CNTNAP5: variants seen among roughly 807,000 people sequenced by gnomAD.
CNTNAP5 encodes contactin-associated protein-like 5.
Under a neutral mutation model 150.2 loss-of-function variants are expected in CNTNAP5, and 72 were observed. The observed-to-expected ratio is 0.48, with a 90% CI of 0.40 to 0.58. The LOEUF is 0.58. CNTNAP5 is among the 20% of genes least tolerant of loss of function. CNTNAP5 has a pLI of 0.00. For synonymous variants in CNTNAP5, 672 were observed against 619.8 expected, an observed-to-expected ratio of 1.08 and a Z score of -1.25; for missense variants, 1,636 against 1,626.2, an observed-to-expected ratio of 1.01 and a Z score of -0.10.
intron 10 of CNTNAP5, among the ~76,000 whole-genome samples, chr2:124,545,922 T>C (rs1695501586): frequency 6.6e-6 from 1 of 152,098 alleles, no homozygotes; most frequent in Non-Finnish European, 1.5e-5. Flanking sequence ...TAAGATTTCA[T>C]CTCTAAAATA....
intron 7 of CNTNAP5, among the ~76,000 whole-genome samples, chr2:124,497,832 G>A (rs568690567): frequency 2.2e-4 from 33 of 152,232 alleles, no homozygotes; most frequent in Middle Eastern, 3.4e-3. Context: ...CCACTGCAGT[G>A]GTTCCATCCT....
At chr2:124,646,872 CT>C (rs1433127083) in intron 12 of CNTNAP5, among the ~76,000 whole-genome samples, 1 of 152,120 alleles carries the variant, frequency 6.6e-6, no homozygotes, top group Non-Finnish European at 1.5e-5. Context: ...ACTTGGGAGG[CT>C]GAGGTGGGAG....
At chr2:124,611,570 G>C (rs1321337196) in intron 12 of CNTNAP5, among the ~76,000 whole-genome samples, 3 of 152,190 alleles carry the variant, frequency 2.0e-5, no homozygotes, top group African/African-American at 7.2e-5. Flanking sequence ...AGGCTTCTCA[G>C]TGGATCTCGG....
chr2:124,729,750 C>A (rs140943732), intron 13 of CNTNAP5, among the ~76,000 whole-genome samples: 2 of 152,000 alleles, frequency 1.3e-5, no homozygotes, highest in Non-Finnish European at 2.9e-5. Flanking sequence ...ATAACCACAC[C>A]CTCTATTTTG....
In CNTNAP5 at chr2:124,789,902, G is replaced by A; in HGVS notation, c.2753G>A (p.Gly918Glu). The A allele has an allele frequency of 6.2e-7, 1 of 1,612,940 alleles. No homozygotes were observed. Among genetic ancestry groups the A allele is most frequent in the Non-Finnish European group, 8.5e-7 (1 of 1,179,378 alleles). Residue 918 changes from glycine to glutamate, a missense_variant and splice_region_variant, in exon 18 of 24, where the codon GGG (glycine) becomes GAG (glutamate). Physicochemically the swap from Gly to Glu is moderately conservative, Grantham distance 98 (BLOSUM62 -2). Coordinates refer to ENST00000682447, the MANE Select transcript of CNTNAP5 (RefSeq NM_001367498.1). ...RLQLNSQLFVGGTSSRQKGFL... is the reference protein window; with the variant it reads ...RLQLNSQLFVEGTSSRQKGFL... ...TGTTTCCTTTTATTTAACCTCTTAG[G>A]GGGAACGTCATCCAGACAGAAAGGC...
chr2:124,913,742 A>C (rs1678704387), intron 23 of CNTNAP5, among the ~76,000 whole-genome samples: 1 of 152,064 alleles, frequency 6.6e-6, no homozygotes. Context: ...GCTAATTACA[A>C]ATGATTCTGA....
intron 14 of CNTNAP5, among the ~76,000 whole-genome samples, chr2:124,754,517 C>A (rs905630212): frequency 6.6e-5 from 10 of 152,090 alleles, no homozygotes; most frequent in African/African-American, 2.2e-4. Context: ...GCCTTAACTG[C>A]TGAATGAGAG....
intron 14 of CNTNAP5, among the ~76,000 whole-genome samples, chr2:124,750,559 C>CA (rs1680702272): frequency 6.6e-6 from 1 of 152,124 alleles, no homozygotes; most frequent in African/African-American, 2.4e-5. Flanking sequence ...GTGTGCCAGA[C>CA]GGATAGTCTG....
At chr2:124,416,514 A>C (rs1573980308) in intron 3 of CNTNAP5, among the ~76,000 whole-genome samples, 3 of 152,206 alleles carry the variant, frequency 2.0e-5, no homozygotes, top group Non-Finnish European at 1.5e-5. Flanking sequence ...ACAAGGAAAT[A>C]TGTAAAAGAA....
chr2:124,529,639 G>A (rs1028975110), intron 10 of CNTNAP5, among the ~76,000 whole-genome samples: 2 of 152,164 alleles, frequency 1.3e-5, no homozygotes, highest in South Asian at 2.1e-4. Flanking sequence ...CATTTTTAAT[G>A]TGTTAATCAA....
intron 7 of CNTNAP5, among the ~76,000 whole-genome samples, chr2:124,482,518 A>C (rs1262260385): frequency 6.6e-6 from 1 of 152,138 alleles, no homozygotes; most frequent in Non-Finnish European, 1.5e-5. Flanking sequence ...TGAAGAAAAA[A>C]ATAATACAAG....
At chr2:124,070,401 A>G (rs1169156950) in intron 1 of CNTNAP5, among the ~76,000 whole-genome samples, 1 of 131,520 alleles carries the variant, frequency 7.6e-6, no homozygotes, top group Non-Finnish European at 1.7e-5. Flanking sequence ...ATGGGGAAAA[A>G]AAAAAAAAAA....
chr2:124,190,404 T>A (rs563915876), intron 1 of CNTNAP5, among the ~76,000 whole-genome samples: 1 of 152,146 alleles, frequency 6.6e-6, no homozygotes, highest in African/African-American at 2.4e-5. Flanking sequence ...AGTTTCCACT[T>A]ACACACTTTT....
chr2:124,513,463 C>T (rs1438622505), intron 8 of CNTNAP5, among the ~76,000 whole-genome samples: 1 of 152,124 alleles, frequency 6.6e-6, no homozygotes, highest in Non-Finnish European at 1.5e-5. Context: ...TCATTGTTGA[C>T]CAATGCCCTT....
At chr2:124,361,012 T>C (rs1690182013) in intron 3 of CNTNAP5, among the ~76,000 whole-genome samples, 1 of 127,518 alleles carries the variant, frequency 7.8e-6, no homozygotes, top group Non-Finnish European at 1.7e-5. Flanking sequence ...TCATTTCTTT[T>C]TATTCTTTTT....
chr2:124,173,085 C>T (rs560548709), intron 1 of CNTNAP5, among the ~76,000 whole-genome samples: 1 of 152,048 alleles, frequency 6.6e-6, no homozygotes, highest in East Asian at 1.9e-4. Flanking sequence ...GTTAGTTATC[C>T]TTTTCCTTGT....
intron 13 of CNTNAP5, among the ~76,000 whole-genome samples, chr2:124,657,455 C>T (rs1478072568): frequency 6.6e-6 from 1 of 152,154 alleles, no homozygotes; most frequent in African/African-American, 2.4e-5. Context: ...AATTCCACAT[C>T]AACCACCTCC....
chr2:124,864,569 TG>T (rs1484304336), intron 19 of CNTNAP5, among the ~76,000 whole-genome samples: 4 of 62,480 alleles, frequency 6.4e-5, no homozygotes, highest in African/African-American at 4.1e-4. Context: ...TGTCTCTCTG[TG>T]TCTCACACAC....
chr2:124,794,373 C>T (rs568478622), intron 18 of CNTNAP5, among the ~76,000 whole-genome samples: 7 of 152,240 alleles, frequency 4.6e-5, no homozygotes, highest in Non-Finnish European at 8.8e-5. Context: ...GTTTAACATT[C>T]GATGAGCACT....
Sources: gnomAD v4.1 joint callset for allele counts (sites outside exome capture counted in the v4.1 genomes callset) on GRCh38, gnomAD v4.1.1 for gene constraint, MANE v1.5 for transcripts, NCBI Gene and HGNC (gene_info 2026-07-23, HGNC 2026-07-21) for gene names.